GLB1: variants seen among roughly 807,000 people sequenced by gnomAD.
The protein encoded by GLB1 is galactosidase beta 1.
GLB1 carries 56 observed loss-of-function variants against 74.0 expected under a neutral mutation model. That is an observed-to-expected ratio of 0.76 (90% CI 0.61 to 0.94). The LOEUF is 0.94. Among genes scored for constraint, GLB1 ranks in the 40% least tolerant of loss-of-function variants. The probability of loss-of-function intolerance (pLI) is 0.00; values close to 1 mark genes in which losing one functional copy is unlikely to be tolerated. For missense variants in GLB1, 787 were observed against 845.5 expected (o/e 0.93, Z 0.86); for synonymous variants, 323 against 323.6 (o/e 1.00, Z 0.02).
At chr3:33,043,849 A>AAG (rs1553609490) in intron 10 of GLB1, among the ~76,000 whole-genome samples, 1 of 126,734 alleles carries the variant, frequency 7.9e-6, no homozygotes, top group East Asian at 1.9e-4. Context: ...AAAAAGAAAA[A>AAG]AAAAAAAAAA....
At chr3:33,025,852 G>A (rs1164880252) in intron 10 of GLB1, among the ~76,000 whole-genome samples, 10 of 152,182 alleles carry the variant, frequency 6.6e-5, no homozygotes, top group Admixed American at 6.5e-4. Context: ...GGCCAGGCAG[G>A]ACCCACTCCC....
the GLB1 span, among the ~76,000 whole-genome samples, chr3:32,973,341 AT>A: frequency 3.2e-4 from 47 of 148,794 alleles, no homozygotes; most frequent in African/African-American, 6.1e-4. Context: ...ACATAATTGC[AT>A]TTTTTTTTTG....
At chr3:33,026,841 A>T (rs1426715563) in intron 10 of GLB1, among the ~76,000 whole-genome samples, 3 of 152,072 alleles carry the variant, frequency 2.0e-5, no homozygotes, top group African/African-American at 7.2e-5. Context: ...CACCCTGGCT[A>T]TGGAGACAAG....
the GLB1 span, among the ~76,000 whole-genome samples, chr3:32,975,565 T>C: frequency 1.3e-5 from 2 of 152,148 alleles, no homozygotes; most frequent in South Asian, 4.2e-4. Flanking sequence ...AAAATTTCTA[T>C]ACAAAGATGG....
intron 10 of GLB1, among the ~76,000 whole-genome samples, chr3:33,037,217 T>C (rs1698318959): frequency 6.6e-6 from 1 of 152,082 alleles, no homozygotes; most frequent in Non-Finnish European, 1.5e-5. Flanking sequence ...GCCTAATTTT[T>C]GTATTTTTAG....
At chr3:33,061,266 T>C (rs1699431432) in intron 5 of GLB1, among the ~76,000 whole-genome samples, 1 of 151,984 alleles carries the variant, frequency 6.6e-6, no homozygotes, top group African/African-American at 2.4e-5. Context: ...CAAAAAAAAT[T>C]AGCCAGGCAT....
intron 15 of GLB1, among the ~76,000 whole-genome samples, chr3:33,008,680 C>T (rs1696883844): frequency 6.6e-6 from 1 of 152,102 alleles, no homozygotes; most frequent in African/African-American, 2.4e-5. Context: ...ACGATGAATG[C>T]GCTGAGAAGT....
intron 15 of GLB1, among the ~76,000 whole-genome samples, chr3:33,006,317 T>C (rs1696785798): frequency 6.6e-6 from 1 of 152,184 alleles, no homozygotes; most frequent in South Asian, 2.1e-4. Flanking sequence ...AACCCTATTG[T>C]GAACTGCGCA....
the GLB1 span, among the ~76,000 whole-genome samples, chr3:32,964,662 A>G: frequency 6.6e-6 from 1 of 152,348 alleles, no homozygotes; most frequent in Admixed American, 6.5e-5. Flanking sequence ...TTGAACATGT[A>G]CCTATTTTAT....
chr3:32,994,245 C>T (rs1406275239), downstream of GLB1, among the ~76,000 whole-genome samples: 2 of 152,198 alleles, frequency 1.3e-5, no homozygotes, highest in Non-Finnish European at 2.9e-5. Flanking sequence ...CTCAGCAACA[C>T]ACAGGAACAC....
intron 10 of GLB1, among the ~76,000 whole-genome samples, chr3:33,036,257 C>T (rs775667912): frequency 4.6e-5 from 7 of 151,836 alleles, no homozygotes; most frequent in Admixed American, 1.3e-4. Context: ...TCCCAGCCAT[C>T]GATCAGAAGA....
intron 1 of GLB1, among the ~76,000 whole-genome samples, chr3:33,084,837 A>G (rs1226997373): frequency 6.6e-6 from 1 of 152,254 alleles, no homozygotes; most frequent in Non-Finnish European, 1.5e-5. Context: ...AACTGCATTC[A>G]GGGAAAAAAA....
At chr3:33,037,105 G>C (rs554926607) in intron 10 of GLB1, among the ~76,000 whole-genome samples, 9 of 151,006 alleles carry the variant, frequency 6.0e-5, no homozygotes, top group African/African-American at 2.2e-4. Flanking sequence ...GAGTGCAGTG[G>C]TGTGATCTCA....
the GLB1 span, among the ~76,000 whole-genome samples, chr3:32,973,635 C>A: frequency 6.6e-6 from 1 of 152,062 alleles, no homozygotes; most frequent in Non-Finnish European, 1.5e-5. Context: ...CATGAGCCAC[C>A]ACGCCTGGCC....
chr3:33,043,771 G>GAAAGATACCTAAGAAAAATACCAAGCA (rs1698601237), intron 10 of GLB1, among the ~76,000 whole-genome samples: 1 of 82,256 alleles, frequency 1.2e-5, no homozygotes. Flanking sequence ...ACAGCATTGG[G>GAAAGATACCTAAGAAAAATACCAAGCA]AAAGATACCT....
chr3:33,070,789 T>G (rs981098636), intron 2 of GLB1, among the ~76,000 whole-genome samples: 2 of 152,088 alleles, frequency 1.3e-5, no homozygotes, highest in African/African-American at 4.8e-5. Context: ...AAGGTTTCAG[T>G]GAACTATGAT....
the GLB1 span, among the ~76,000 whole-genome samples, chr3:32,974,474 A>T: frequency 6.6e-6 from 1 of 152,198 alleles, no homozygotes. Context: ...ATCCATATCT[A>T]TAGCTGTGTC....
At chr3:33,069,093 A>T in intron 2 of GLB1, 123 bp from the exon 3 acceptor site, 1 of 1,535,208 alleles carries the variant, frequency 6.5e-7, no homozygotes, top group Non-Finnish European at 8.9e-7. Context: ...GCGCTTTGAA[A>T]GAAAAATTAT....
intron 13 of GLB1, 71 bp from the exon 14 acceptor site, chr3:33,016,911 A>C: frequency 6.3e-7 from 1 of 1,590,636 alleles, no homozygotes; most frequent in Non-Finnish European, 8.6e-7. Flanking sequence ...CAGCATGCTC[A>C]GTTAATTTAG....
Sources: allele counts gnomAD v4.1 joint callset (sites outside exome capture counted in the v4.1 genomes callset), GRCh38; gene constraint gnomAD v4.1.1; transcripts MANE v1.5; gene names NCBI Gene and HGNC (gene_info 2026-07-23, HGNC 2026-07-21).